The following MYH8 variants were observed in gnomAD, a reference collection of about 807,000 sequenced individuals.
The protein encoded by MYH8 is myosin-8.
In MYH8, 168 loss-of-function variants were observed where a neutral mutation model predicts 233.2. The ratio of observed to expected loss-of-function variants is 0.72; its 90% CI spans 0.64 to 0.82. MYH8 has a LOEUF of 0.82. MYH8 is among the 40% of genes least tolerant of loss of function. MYH8 has a pLI of 0.00. For synonymous variants in MYH8, 785 were observed against 850.6 expected (o/e 0.92, Z 1.34); for missense variants, 1,995 against 2,327.8 (o/e 0.86, Z 2.94).
chr17:10,407,849 TAAATA>T (rs1307161156), intron 17 of MYH8, among the ~76,000 whole-genome samples: 1 of 149,984 alleles, frequency 6.7e-6, no homozygotes, highest in East Asian at 1.9e-4. Context: ...GAAAAAAAAA[TAAATA>T]AATAAAATAA....
chr17:10,421,041 G>A (rs1368307323), intron 2 of MYH8, among the ~76,000 whole-genome samples: 4 of 152,110 alleles, frequency 2.6e-5, no homozygotes, highest in Admixed American at 6.5e-5. Flanking sequence ...TACATCACAT[G>A]CATGTAAGCC....
intron 12 of MYH8, among the ~76,000 whole-genome samples, chr17:10,413,450 G>T (rs944226103): frequency 6.6e-6 from 1 of 151,876 alleles, no homozygotes; most frequent in Admixed American, 6.6e-5. Context: ...TGCCTATATT[G>T]TCTATGGATT....
At position 10,398,863 on chromosome 17, in the gene MYH8, C is replaced by A. The variant is rs772611607; in HGVS notation, c.3886G>T (p.Glu1296Ter). 1 of 1,613,180 alleles carries A rather than the reference C, an allele frequency of 6.2e-7. No individual in the cohort carries two copies. The highest frequency in any genetic ancestry group is 1.1e-5 in the South Asian group (1 of 91,048). Residue 1296 changes from glutamate (E) to a stop codon, truncating the protein, a stop_gained, in exon 29 of 40, where the codon GAG (glutamate) becomes TAG (stop). Transcript: ENST00000403437. LOFTEE classifies it high-confidence loss of function. ...AGCTGAGAGACTAAAGCATCTTTCT[C>A]ATCTAATTGTCGAGAATATTCACCT... ...EAGEYSRQLD[E>*]KDALVSQLSR...
chr17:10,421,756 A>G (rs1443226219), intron 1 of MYH8, 50 bp from the exon 2 acceptor site: 1 of 152,226 alleles, frequency 6.6e-6, no homozygotes, highest in Non-Finnish European at 1.5e-5. Context: ...TTCCAATATT[A>G]TAGTTACAGA....
At position 10,400,408 on chromosome 17, in the gene MYH8, C is replaced by T. The variant is rs190203316; in HGVS notation, c.3717G>A (p.Glu1239=). The T allele has an allele frequency of 1.4e-5, 22 of 1,613,474 alleles. No individual in the cohort carries two copies. The highest frequency in any genetic ancestry group is 8.3e-5 in the Admixed American group (5 of 60,006). ...TGGGTACCTTGGCTTTGGAAATGGC[C>T]TCTGCGTTACTGCTGAGGTCATCAG... The part of the protein sequence containing the change: ...METDDLSSNA[E]AISKAKGNLE... Residue 1239 remains glutamate (E), a synonymous_variant, in exon 27 of 40, where the codon GAG becomes GAA. Transcript: ENST00000403437. This position sits in a 1 kb window ranked among gnomAD's most constrained non-coding sequence, Gnocchi z 4.0.
chr17:10,406,608 A>G, intron 19 of MYH8, 82 bp downstream of exon 19: 1 of 1,395,112 alleles, frequency 7.2e-7, no homozygotes, highest in Non-Finnish European at 1.0e-6. Context: ...TCCTACCACC[A>G]CAAGACTATA....
chr17:10,420,333 G>T (rs2072326822), intron 2 of MYH8, 76 bp from the exon 3 acceptor site: 2 of 1,324,274 alleles, frequency 1.5e-6, no homozygotes, highest in Non-Finnish European at 1.1e-6. Context: ...TGAAATGAAA[G>T]AAATGTTGAA....
chr17:10,396,900 T>A lies in MYH8; in HGVS notation c.4265A>T (p.Gln1422Leu). 1 of 1,614,240 alleles carries A rather than the reference T, an allele frequency of 6.2e-7. No homozygotes were observed. Among genetic ancestry groups the A allele is most frequent in the East Asian group, 2.2e-5 (1 of 44,882 alleles). Residue 1422 changes from glutamine (Q) to leucine (L), a missense_variant, in exon 31 of 40, where the codon CAG (glutamine) becomes CTG (leucine). Physicochemically the swap from Gln to Leu is moderately radical, Grantham distance 113 (BLOSUM62 -2). Around this residue, in one of 3 missense-constraint regions of MYH8, gnomAD observed 1,498 missense variants for 1,680.9 expected, o/e 0.89. Transcript: ENST00000403437. This position sits in a 1 kb window ranked among gnomAD's most constrained non-coding sequence, Gnocchi z 4.2. ...GTCTTCAACTTCATTCTGGAGCCGC[T>A]GCTTCGTCTTCTCAAGGGAAGCACA... ...AKCASLEKTK[Q>L]RLQNEVEDLM...
chr17:10,393,840 C>G (rs1370057653), intron 35 of MYH8, among the ~76,000 whole-genome samples: 6 of 152,232 alleles, frequency 3.9e-5, no homozygotes, highest in African/African-American at 1.4e-4. Flanking sequence ...CACAGCAGTG[C>G]TAAATGCTTA....
rs138607111 is a variant in MYH8, at chr17:10,398,475, T to C, written c.4147A>G (p.Ile1383Val). 908 of 1,613,918 alleles carry C rather than the reference T, an allele frequency of 5.6e-4. No homozygotes were observed. The highest frequency in any genetic ancestry group is 6.6e-4 in the Non-Finnish European group (773 of 1,179,898). ...TCCTCCAGCTCCTCTGTGCGCTGGA[T>C]GGCATCCGTCTCGTATTTGGTTCTC... The part of the protein sequence containing the change: ...QWRTKYETDA[I>V]QRTEELEEAK... The change falls in exon 30 of 40, where the codon ATC (isoleucine) becomes GTC (valine). Residue 1383 changes from isoleucine (I) to valine (V), a missense_variant. By Grantham distance (29) the Ile-to-Val change is conservative (BLOSUM62 3). This residue lies in a region of MYH8 where 1,498 missense variants were observed against 1,680.9 expected (regional missense o/e 0.89). Coordinates refer to ENST00000403437, the MANE Select transcript of MYH8 (RefSeq NM_002472.3).
rs1345241013 is a variant in MYH8 at position 10,410,939 on chromosome 17, G to A, written c.1425C>T (p.Ser475=). 2 of 1,613,900 alleles carry A rather than the reference G, an allele frequency of 1.2e-6. No individual in the cohort carries two copies. Among genetic ancestry groups the A allele is most frequent in the African/African-American group, 1.3e-5 (1 of 74,894 alleles). The change falls in exon 15 of 40, where the codon AGC becomes AGT. Residue 475 remains serine, a synonymous_variant. Coordinates refer to ENST00000403437, the MANE Select transcript of MYH8 (RefSeq NM_002472.3). ...IAGFEIFDFN[S]LEQLCINFTN... ...TGAAGTTGATGCACAGCTGCTCCAGGCTGTTAAACTACACAAAATAATAGA... is the reference window on the plus strand; with the variant it reads ...TGAAGTTGATGCACAGCTGCTCCAGACTGTTAAACTACACAAAATAATAGA...
In MYH8 at chr17:10,404,350, G is replaced by A. The variant is rs1279898827; in HGVS notation, c.2668C>T (p.Leu890=). Residue 890 remains leucine, a synonymous_variant, in exon 22 of 40, where the codon CTG becomes TTG. Coordinates refer to ENST00000403437, the MANE Select transcript of MYH8 (RefSeq NM_002472.3). ...CTCACAGATTGAACCTGGAGTTGCA[G>A]GTCATTTTTCTCTTTTAAGAGAGTG... ...MVTLLKEKND[L]QLQVQSEADS... is the part of the protein sequence containing the mutation. 5 of 1,613,652 alleles carry A rather than the reference G, an allele frequency of 3.1e-6. No homozygotes were observed. Among genetic ancestry groups the A allele is most frequent in the Non-Finnish European group, 4.2e-6 (5 of 1,179,834 alleles).
At chr17:10,413,735 T>C (rs972873829) in intron 12 of MYH8, among the ~76,000 whole-genome samples, 167 bp downstream of exon 12, 14 of 152,090 alleles carry the variant, frequency 9.2e-5, no homozygotes, top group African/African-American at 3.1e-4. Flanking sequence ...GATGGAGACA[T>C]GGAGATGTAA....
chr17:10,421,450 G>C (rs1390918634), intron 2 of MYH8, among the ~76,000 whole-genome samples: 1 of 152,070 alleles, frequency 6.6e-6, no homozygotes, highest in Non-Finnish European at 1.5e-5. Flanking sequence ...TGTCCTAAAC[G>C]GTCTTTGAAT....
chr17:10,419,110 T>G lies in MYH8; in HGVS notation c.211-80A>C, dbSNP rs1455457771. The G allele has an allele frequency of 3.3e-6, 5 of 1,536,288 alleles. No homozygotes were observed. In the East Asian group the frequency reaches 1.1e-4, roughly 35 times the overall value. ...TTTGCTTTTTTTGCCCAGGCTGGAG[T>G]GCAGTGGCGCGATCTCAGCTCACTG... On this transcript the variant is annotated intron_variant, in intron 3 of 39. Coordinates refer to ENST00000403437, the MANE Select transcript of MYH8 (RefSeq NM_002472.3). This position sits in a 1 kb window ranked among gnomAD's most constrained non-coding sequence, Gnocchi z 4.0.
Position 10,404,312 on chromosome 17 carries a change from A to G in MYH8, c.2688+18T>C, listed in dbSNP as rs2072168711. The G allele has an allele frequency of 6.2e-7, 1 of 1,613,772 alleles. No homozygotes were observed. Among genetic ancestry groups the G allele is most frequent in the Admixed American group, 1.7e-5 (1 of 60,004 alleles). On this transcript the variant is annotated intron_variant, in intron 22 of 39. Transcript: ENST00000403437. The stretch of plus-strand genomic sequence containing the variant: ...AAAGCTTCAGTAACATGGTGCATTC[A>G]GAATATGGAGTACTCACAGATTGAA...
Position 10,400,336 on chromosome 17 carries a change from A to T in MYH8, c.3735+54T>A. 6.3e-7 allele frequency: 1 copy of T among 1,599,476 alleles called. No individual in the cohort carries two copies. The highest frequency in any genetic ancestry group is 1.1e-5 in the South Asian group (1 of 90,964). On this transcript the variant is annotated intron_variant, in intron 27 of 39. Transcript: ENST00000403437. The surrounding 1 kb of genome is among the most constrained non-coding windows in gnomAD (Gnocchi z 4.0). ...CTGCAAACAATGTTTAGTGATAGAG[A>T]ATAATGGGTGTTCTTACAGATGATT...
chr17:10,420,457 G>A (rs953056104), intron 2 of MYH8, among the ~76,000 whole-genome samples, 200 bp from the exon 3 acceptor site: 1 of 152,244 alleles, frequency 6.6e-6, no homozygotes, highest in Admixed American at 6.5e-5. Context: ...TTAGGACTGT[G>A]AATTTCCTTT....
rs781182860 is a variant in MYH8 at position 10,404,446 on chromosome 17, C to T, written c.2572G>A (p.Glu858Lys). The T allele has an allele frequency of 1.9e-6, 3 of 1,613,748 alleles. No individual in the cohort carries two copies. The highest frequency in any genetic ancestry group is 1.7e-6 in the Non-Finnish European group (2 of 1,179,914). ...TEKEMATMKE[E>K]FQKTKDELAK... ...AGTTCATCTTTGGTTTTCTGGAATT[C>T]TTCCTTCATGGTGGCCATCTCTTTC... is the stretch of plus-strand genomic sequence containing the variant. The change falls in exon 22 of 40, where the codon GAA (glutamate) becomes AAA (lysine). Residue 858 changes from glutamate to lysine, a missense_variant. By Grantham distance (56) the Glu-to-Lys change is moderately conservative (BLOSUM62 1). Coordinates refer to ENST00000403437, the MANE Select transcript of MYH8 (RefSeq NM_002472.3).
Sources: gnomAD v4.1 joint callset for allele counts (sites outside exome capture counted in the v4.1 genomes callset) on GRCh38, gnomAD v4.1.1 for gene constraint, gnomAD v4.1.1 regional missense constraint, Gnocchi (gnomAD v3.1) non-coding constraint, MANE v1.5 for transcripts, NCBI Gene and HGNC (gene_info 2026-07-23, HGNC 2026-07-21) for gene names.